IPO11: variants seen among roughly 807,000 people sequenced by gnomAD.
IPO11 encodes importin 11.
In IPO11, 66 loss-of-function variants were observed where a neutral mutation model predicts 143.2. The observed-to-expected ratio is 0.46, with a 90% CI of 0.38 to 0.57. The LOEUF (loss-of-function observed/expected upper bound fraction) is 0.57, where lower values mean the gene tolerates loss of function less well. Among genes scored for constraint, IPO11 ranks in the 20% least tolerant of loss-of-function variants. The pLI, the probability that IPO11 is intolerant of heterozygous loss-of-function variation, is 0.00. For synonymous variants in IPO11, 385 were observed against 377.8 expected, an observed-to-expected ratio of 1.02 and a Z score of -0.22; for missense variants, 1,026 against 1,141.0, an observed-to-expected ratio of 0.90 and a Z score of 1.45.
chr5:62,473,618 C>T (rs1745859192), intron 7 of IPO11, among the ~76,000 whole-genome samples: 1 of 152,088 alleles, frequency 6.6e-6, no homozygotes, highest in African/African-American at 2.4e-5. Flanking sequence ...AAGCCATCAT[C>T]ATCCAGTATT....
chr5:62,414,506 A>C (rs575003076), intron 1 of IPO11, among the ~76,000 whole-genome samples: 1 of 152,186 alleles, frequency 6.6e-6, no homozygotes, highest in South Asian at 2.1e-4. Flanking sequence ...CAGAGCGTTT[A>C]AGGAATGGCA....
chr5:62,438,751 T>A (rs1580177822), intron 2 of IPO11, among the ~76,000 whole-genome samples: 1 of 146,098 alleles, frequency 6.8e-6, no homozygotes, highest in African/African-American at 2.5e-5. Flanking sequence ...AAACTCCATC[T>A]CAAAAAAAAA....
At chr5:62,418,234 C>T (rs947430978) in intron 1 of IPO11, among the ~76,000 whole-genome samples, 5 of 151,606 alleles carry the variant, frequency 3.3e-5, no homozygotes, top group Non-Finnish European at 5.9e-5. Context: ...GGCACCATCT[C>T]GGCTCACTGC....
chr5:62,439,806 A>G (rs1282546451), intron 2 of IPO11, among the ~76,000 whole-genome samples: 1 of 152,104 alleles, frequency 6.6e-6, no homozygotes, highest in African/African-American at 2.4e-5. Context: ...TTTTTCCCCT[A>G]TACTCGCTAT....
At chr5:62,551,667 G>A (rs1382636639) in intron 26 of IPO11, among the ~76,000 whole-genome samples, 1 of 152,126 alleles carries the variant, frequency 6.6e-6, no homozygotes, top group Non-Finnish European at 1.5e-5. Flanking sequence ...TATCATCTTT[G>A]TATTACTTCT....
At chr5:62,565,275 C>G (rs1289738209) in intron 27 of IPO11, among the ~76,000 whole-genome samples, 2 of 152,178 alleles carry the variant, frequency 1.3e-5, no homozygotes, top group Non-Finnish European at 2.9e-5. Context: ...CACTTGAGGT[C>G]AGGACTTTGA....
chr5:62,558,093 C>T (rs184123962), intron 26 of IPO11, among the ~76,000 whole-genome samples: 15 of 152,310 alleles, frequency 9.8e-5, no homozygotes, highest in Middle Eastern at 6.8e-3. Context: ...TGATACTCAG[C>T]TGATAGATGT....
chr5:62,551,386 T>A (rs938423858), intron 26 of IPO11, 50 bp downstream of exon 26: 18 of 980,744 alleles, frequency 1.8e-5, no homozygotes, highest in Non-Finnish European at 2.7e-5. Flanking sequence ...TAAATATAAA[T>A]TAGAAATAGT....
intron 25 of IPO11, 84 bp downstream of exon 25, chr5:62,550,546 C>A (rs955994522): frequency 4.6e-6 from 4 of 870,496 alleles, no homozygotes; most frequent in Admixed American, 2.7e-5. Context: ...AGAAGGAAAG[C>A]TTTTCTTGTC....
At chr5:62,415,708 T>TAAC (rs1286459563) in intron 1 of IPO11, among the ~76,000 whole-genome samples, 50 of 151,640 alleles carry the variant, frequency 3.3e-4, no homozygotes, top group African/African-American at 1.2e-3. Context: ...CCTCAGGTGA[T>TAAC]CCCCCTGCCT....
chr5:62,498,744 C>G (rs901362899), intron 16 of IPO11, among the ~76,000 whole-genome samples: 6 of 152,130 alleles, frequency 3.9e-5, no homozygotes, highest in Non-Finnish European at 8.8e-5. Flanking sequence ...GTGGCGGGCA[C>G]CTGTAGTCCC....
intron 27 of IPO11, among the ~76,000 whole-genome samples, chr5:62,571,113 A>G (rs1162452794): frequency 6.6e-6 from 1 of 152,254 alleles, no homozygotes; most frequent in African/African-American, 2.4e-5. Context: ...ATGCATGTGT[A>G]TGTCACAAGT....
At chr5:62,538,758 A>G (rs78716732) in intron 24 of IPO11, among the ~76,000 whole-genome samples, 13 of 152,246 alleles carry the variant, frequency 8.5e-5, no homozygotes, top group African/African-American at 1.7e-4. Flanking sequence ...AGCACAGTCT[A>G]TGACGTTTGC....
At chr5:62,454,475 T>G (rs1745053798) in intron 5 of IPO11, among the ~76,000 whole-genome samples, 2 of 152,228 alleles carry the variant, frequency 1.3e-5, no homozygotes, top group Non-Finnish European at 2.9e-5. Context: ...CTATTTCAAC[T>G]TTATCAAAGT....
chr5:62,414,548 T>C (rs757777931), intron 1 of IPO11, among the ~76,000 whole-genome samples: 20 of 152,314 alleles, frequency 1.3e-4, no homozygotes, highest in Admixed American at 2.0e-4. Flanking sequence ...GAGTCTGTAG[T>C]GTGTTTGGTT....
chr5:62,623,228 C>G (rs180928239), intron 29 of IPO11, among the ~76,000 whole-genome samples: 141 of 152,210 alleles, frequency 9.3e-4, no homozygotes, highest in African/African-American at 3.4e-3. Context: ...TGTTGTAGAT[C>G]AATTTTCCTT....
Position 62,435,126 on chromosome 5 carries a change from GTATATATA to G in IPO11, c.-6-2146_-6-2139del, listed in dbSNP as rs202161598. On this transcript the variant is annotated intron_variant, in intron 1 of 29. Transcript: ENST00000325324. ...TATATATATGTATATATGTATATATGTATATATATGTATATATGTATATATGTATATAT... is the reference window on the plus strand; with the variant it reads ...TATATATATGTATATATGTATATATGTGTATATATGTATATATGTATATAT... Among the ~76,000 whole-genome samples, 11 of 73,516 alleles carry G rather than the reference GTATATATA, an allele frequency of 1.5e-4. 1 individual carries two copies. Among genetic ancestry groups the G allele is most frequent in the Non-Finnish European group, 2.1e-4 (8 of 37,942 alleles). 48.2% of individuals were successfully genotyped at this position (73,516 alleles called of 152,430 possible).
At chr5:62,599,193 G>C (rs1745407731) in intron 28 of IPO11, among the ~76,000 whole-genome samples, 1 of 152,216 alleles carries the variant, frequency 6.6e-6, no homozygotes, top group African/African-American at 2.4e-5. Flanking sequence ...GAAAACTCAA[G>C]TTTGAGAATC....
At chr5:62,443,222 A>G (rs1443573335) in intron 3 of IPO11, 139 bp downstream of exon 3, 2 of 507,640 alleles carry the variant, frequency 3.9e-6, no homozygotes, top group Non-Finnish European at 7.0e-6. Context: ...CAATACAGAG[A>G]CGATTAGCAT....
Sources: gnomAD v4.1 joint callset for allele counts (sites outside exome capture counted in the v4.1 genomes callset) on GRCh38, gnomAD v4.1.1 for gene constraint, MANE v1.5 for transcripts, NCBI Gene and HGNC (gene_info 2026-07-23, HGNC 2026-07-21) for gene names.